Variants in MACC1 observed in about 807,000 individuals in gnomAD.
The protein encoded by MACC1 is MET transcriptional regulator MACC1, also known as metastasis-associated in colon cancer protein 1.
A neutral mutation model predicts 70.7 loss-of-function variants in MACC1; 79 were observed. The ratio of observed to expected loss-of-function variants is 1.12; its 90% CI spans 0.93 to 1.35. The LOEUF (loss-of-function observed/expected upper bound fraction) is 1.35. Ranked by LOEUF, MACC1 falls within the 40% of genes most tolerant of loss-of-function variation. MACC1 has a pLI of 0.00. For synonymous variants in MACC1, 361 were observed against 347.2 expected (o/e 1.04, Z -0.44); for missense variants, 1,106 against 978.1 (o/e 1.13, Z -1.74).
intron 6 of MACC1, among the ~76,000 whole-genome samples, chr7:20,146,380 C>A (rs1781891738): frequency 2.0e-5 from 3 of 152,056 alleles, no homozygotes. Flanking sequence ...TTATCCAAGG[C>A]AGAGACATAA....
intron 6 of MACC1, among the ~76,000 whole-genome samples, chr7:20,149,757 A>G (rs1422379275): frequency 6.6e-6 from 1 of 152,152 alleles, no homozygotes; most frequent in South Asian, 2.1e-4. Context: ...GTCTACTTCT[A>G]TTCCTCTCCA....
rs1470069116 is a variant in MACC1 at position 20,136,915 on chromosome 7, TATTA to T, written c.*4027_*4030del. ...AATTATATTATTAATTCTTAAAGATTATTAATTATAATATTAAATTATAATTATT... is the reference window on the plus strand; with the variant it reads ...AATTATATTATTAATTCTTAAAGATTATTATAATATTAAATTATAATTATT... On this transcript the variant is annotated 3_prime_UTR_variant, in exon 7 of 7. Transcript: ENST00000400331. 1 of 147,968 alleles carries T rather than the reference TATTA, an allele frequency of 6.8e-6. No homozygotes were observed. Among genetic ancestry groups the T allele is most frequent in the African/African-American group, 2.4e-5 (1 of 40,884 alleles). The allele number at this position is 147,968 out of a possible 1,614,324, so 9.2% of individuals were successfully genotyped here.
At chr7:20,181,227 G>A (rs1290723682) in intron 1 of MACC1, among the ~76,000 whole-genome samples, 1 of 151,806 alleles carries the variant, frequency 6.6e-6, no homozygotes, top group African/African-American at 2.4e-5. Context: ...TCCATATCAG[G>A]TTCTAACAAA....
intron 3 of MACC1, among the ~76,000 whole-genome samples, chr7:20,162,132 G>A (rs1782148036): frequency 6.6e-6 from 1 of 151,966 alleles, no homozygotes; most frequent in Non-Finnish European, 1.5e-5. Flanking sequence ...AGCAATTAAT[G>A]AGAATTCCAA....
rs1449383818 is a variant in MACC1 at position 20,140,921 on chromosome 7, C to A, written c.*25G>T. 1 of 1,575,622 alleles carries A rather than the reference C, an allele frequency of 6.3e-7. No individual in the cohort carries two copies. The highest frequency in any genetic ancestry group is 8.7e-7 in the Non-Finnish European group (1 of 1,151,952). ...CACACACCATTACCTCATTTTCCCT[C>A]CCATCAAAAACACACGCTTTGTTTC... On this transcript the variant is annotated 3_prime_UTR_variant, in exon 7 of 7. Coordinates refer to ENST00000400331, the MANE Select transcript of MACC1 (RefSeq NM_182762.4).
rs552701918 is a variant in MACC1 at position 20,137,016 on chromosome 7, TAAG to T, written c.*3927_*3929del. The T allele has an allele frequency of 4.3e-4, 65 of 150,802 alleles. 1 individual carries two copies. Among genetic ancestry groups the T allele is most frequent in the East Asian group, 9.7e-4 (5 of 5,170 alleles). 9.3% of individuals were successfully genotyped at this position (150,802 alleles called of 1,614,324 possible). ...TAAAGATTAAGATTATTATTGTGAATAAGAAGAAAAATGATCTAATTTAATGTA... is the reference window on the plus strand; with the variant it reads ...TAAAGATTAAGATTATTATTGTGAATAAGAAAAATGATCTAATTTAATGTA... On this transcript the variant is annotated 3_prime_UTR_variant, in exon 7 of 7. Transcript: ENST00000400331.
Position 20,160,235 on chromosome 7 carries a change from G to A in MACC1, c.126C>T (p.Asp42=). ...CCGGCCAATTGTGAAGCAAGTCTGGGTCCTGGCATTCTTGTTATTTAAGGA... is the reference window on the plus strand; with the variant it reads ...CCGGCCAATTGTGAAGCAAGTCTGGATCCTGGCATTCTTGTTATTTAAGGA... ...SKSCNITECQ[D]PDLLHNWPDA... is the part of the protein sequence containing the mutation. The change falls in exon 5 of 7, where the codon GAC becomes GAT. Residue 42 remains aspartate, a synonymous_variant. Coordinates refer to ENST00000400331, the MANE Select transcript of MACC1 (RefSeq NM_182762.4). 6.4e-7 allele frequency: 1 copy of A among 1,552,664 alleles called. No individual in the cohort carries two copies. Among genetic ancestry groups the A allele is most frequent in the Non-Finnish European group, 8.6e-7 (1 of 1,156,338 alleles).
intron 6 of MACC1, chr7:20,153,583 A>G (rs1032202008): frequency 3.2e-4 from 49 of 152,226 alleles, no homozygotes; most frequent in Admixed American, 3.2e-3. Flanking sequence ...CTAACAGCAT[A>G]CATTTGTTTT....
In MACC1 at chr7:20,136,877, AATT is replaced by A. The variant is rs2128098921; in HGVS notation, c.*4066_*4068del. On this transcript the variant is annotated 3_prime_UTR_variant, in exon 7 of 7. Transcript: ENST00000400331. ...TAATTATTAATTCTTAAAGATTATT[AATT>A]ATAATATTAAATTATATTATTAATT... 7.1e-6 allele frequency: 1 copy of A among 140,864 alleles called. No individual in the cohort carries two copies. Among genetic ancestry groups the A allele is most frequent in the African/African-American group, 2.5e-5 (1 of 40,560 alleles). 8.7% of individuals were successfully genotyped at this position (140,864 alleles called of 1,614,324 possible).
intron 1 of MACC1, among the ~76,000 whole-genome samples, chr7:20,172,242 G>A (rs1782319383): frequency 6.6e-6 from 1 of 152,176 alleles, no homozygotes; most frequent in Non-Finnish European, 1.5e-5. Context: ...TTACAAGCAG[G>A]GTGAGCTGCC....
At chr7:20,213,952 G>A (rs1783034006) in intron 1 of MACC1, among the ~76,000 whole-genome samples, 1 of 152,088 alleles carries the variant, frequency 6.6e-6, no homozygotes, top group Non-Finnish European at 1.5e-5. Context: ...CAGCTTGGCT[G>A]TCACTATAAT....
intron 2 of MACC1, among the ~76,000 whole-genome samples, chr7:20,164,900 T>A (rs1439413657): frequency 1.3e-5 from 2 of 151,904 alleles, no homozygotes; most frequent in Non-Finnish European, 2.9e-5. Context: ...ACTCTTTTTT[T>A]TTTTATGAGG....
chr7:20,207,138 T>C (rs1562603449), intron 1 of MACC1, among the ~76,000 whole-genome samples: 5 of 151,964 alleles, frequency 3.3e-5, no homozygotes. Flanking sequence ...CATTGTTAAC[T>C]TTTTCTTTTC....
At chr7:20,173,694 T>G (rs1782347153) in intron 1 of MACC1, among the ~76,000 whole-genome samples, 1 of 152,190 alleles carries the variant, frequency 6.6e-6, no homozygotes, top group South Asian at 2.1e-4. Context: ...TAATGGACAA[T>G]CTGATCTTGG....
chr7:20,213,682 A>T (rs1783029662), intron 1 of MACC1, among the ~76,000 whole-genome samples: 1 of 152,194 alleles, frequency 6.6e-6, no homozygotes, highest in South Asian at 2.1e-4. Context: ...GCATGTTCTT[A>T]TTTATGAGTG....
At position 20,158,541 on chromosome 7, in the gene MACC1, C is replaced by A. The variant is rs1583387572; in HGVS notation, c.1820G>T (p.Gly607Val). Residue 607 changes from glycine (G) to valine (V), a missense_variant, in exon 5 of 7, where the codon GGA (glycine) becomes GTA (valine). By Grantham distance (109) the Gly-to-Val change is moderately radical. Coordinates refer to ENST00000400331, the MANE Select transcript of MACC1 (RefSeq NM_182762.4). ...WYVGVLRGKI[G>V]LVHCKNVKVI... ...CTTGACATTTTTGCAGTGTACAAGT[C>A]CAATCTTACCTCTGAGGACTCCTAC... is the stretch of plus-strand genomic sequence containing the variant. 1.2e-6 allele frequency: 2 copies of A among 1,614,086 alleles called. No homozygotes were observed. The highest frequency in any genetic ancestry group is 2.2e-5 in the East Asian group (1 of 44,872).
chr7:20,147,225 G>C (rs1258676235), intron 6 of MACC1, among the ~76,000 whole-genome samples: 1 of 152,144 alleles, frequency 6.6e-6, no homozygotes. Context: ...AAGCCAATAA[G>C]ACTCATTAGA....
At chr7:20,200,690 CACAGTCAGAT>C (rs1178687469) in intron 1 of MACC1, among the ~76,000 whole-genome samples, 3 of 152,172 alleles carry the variant, frequency 2.0e-5, no homozygotes, top group Non-Finnish European at 2.9e-5. Context: ...TTCACTGATG[CACAGTCAGAT>C]ACCTGAGATA....
intron 6 of MACC1, among the ~76,000 whole-genome samples, chr7:20,141,406 A>C (rs1215725611): frequency 2.0e-5 from 3 of 152,132 alleles, no homozygotes; most frequent in Non-Finnish European, 4.4e-5. Context: ...CCCTTGATCC[A>C]TCATCTATAC....
Sources: gnomAD v4.1 joint callset for allele counts (sites outside exome capture counted in the v4.1 genomes callset) on GRCh38, gnomAD v4.1.1 for gene constraint, MANE v1.5 for transcripts, NCBI Gene and HGNC (gene_info 2026-07-23, HGNC 2026-07-21) for gene names.